Variants in ATF6 observed in about 807,000 individuals in gnomAD.
ATF6 encodes the protein activating transcription factor 6.
ATF6 carries 53 observed loss-of-function variants against 83.6 expected under a neutral mutation model. That is an observed-to-expected ratio of 0.63 (90% CI 0.51 to 0.80). ATF6 has a LOEUF of 0.80. Among genes scored for constraint, ATF6 ranks in the 30% least tolerant of loss-of-function variants. The pLI, the probability that ATF6 is intolerant of heterozygous loss-of-function variation, is 0.00. For synonymous variants in ATF6, 288 were observed against 285.8 expected, an observed-to-expected ratio of 1.01 and a Z score of -0.08; for missense variants, 744 against 797.9, an observed-to-expected ratio of 0.93 and a Z score of 0.81.
intron 7 of ATF6, among the ~76,000 whole-genome samples, chr1:161,810,066 A>G (rs991947766): frequency 5.3e-5 from 8 of 152,130 alleles, no homozygotes; most frequent in African/African-American, 1.7e-4. Context: ...AGGTAGTTCT[A>G]ATTGAGAAGT....
intron 15 of ATF6, among the ~76,000 whole-genome samples, chr1:161,921,034 C>T (rs762891293): frequency 2.6e-4 from 39 of 151,996 alleles, no homozygotes; most frequent in Admixed American, 4.6e-4. Flanking sequence ...CCTGGCCATC[C>T]GTTGTTTTTT....
chr1:161,843,596 G>A (rs941086149), intron 9 of ATF6, among the ~76,000 whole-genome samples: 5 of 152,074 alleles, frequency 3.3e-5, no homozygotes, highest in Non-Finnish European at 7.4e-5. Context: ...CTTCCTTTGA[G>A]CCTTCATTTC....
intron 3 of ATF6, among the ~76,000 whole-genome samples, chr1:161,783,441 C>G (rs562036164): frequency 6.6e-6 from 1 of 152,166 alleles, no homozygotes; most frequent in African/African-American, 2.4e-5. Context: ...CATAGTTGCT[C>G]AGTACATTTT....
At chr1:161,852,054 C>A (rs1183974291) in intron 11 of ATF6, among the ~76,000 whole-genome samples, 3 of 152,172 alleles carry the variant, frequency 2.0e-5, no homozygotes, top group Non-Finnish European at 2.9e-5. Flanking sequence ...AATATGTCTT[C>A]TTTAAAAACT....
chr1:161,859,361 A>G (rs902733427), intron 12 of ATF6, among the ~76,000 whole-genome samples: 23 of 152,276 alleles, frequency 1.5e-4, no homozygotes, highest in Admixed American at 1.1e-3. Context: ...TTGTTTTCCT[A>G]TATCTGTCTT....
chr1:161,830,838 A>G (rs1251734167), intron 9 of ATF6, among the ~76,000 whole-genome samples: 1 of 152,264 alleles, frequency 6.6e-6, no homozygotes, highest in Non-Finnish European at 1.5e-5. Context: ...CTAAAACCAT[A>G]AAAACCCTAC....
At chr1:161,813,341 T>C (rs879250997) in intron 7 of ATF6, among the ~76,000 whole-genome samples, 1 of 152,218 alleles carries the variant, frequency 6.6e-6, no homozygotes, top group Admixed American at 6.5e-5. Context: ...TATTTCATTA[T>C]ATAGTAGTCA....
At chr1:161,923,679 T>C in intron 15 of ATF6, among the ~76,000 whole-genome samples, 1 of 152,230 alleles carries the variant, frequency 6.6e-6, no homozygotes, top group South Asian at 2.1e-4. Flanking sequence ...TTGTATTTGA[T>C]TTACTAATTA....
chr1:161,784,110 C>G lies in ATF6; in HGVS notation c.354+14C>G. 1 of 1,575,746 alleles carries G rather than the reference C, an allele frequency of 6.3e-7. No homozygotes were observed. The highest frequency in any genetic ancestry group is 8.7e-7 in the Non-Finnish European group (1 of 1,147,854). Reference sequence around the variant, plus strand: ...CAGCATGTTCCTGTGAGTAGCCAGTCTTTTACAATGATTTTGGTTATAATA... The same window carrying G: ...CAGCATGTTCCTGTGAGTAGCCAGTGTTTTACAATGATTTTGGTTATAATA... On this transcript the variant is annotated intron_variant, in intron 4 of 15. Coordinates refer to ENST00000367942, the MANE Select transcript of ATF6 (RefSeq NM_007348.4).
intron 14 of ATF6, among the ~76,000 whole-genome samples, chr1:161,871,134 G>C (rs1294059528): frequency 6.6e-6 from 1 of 151,448 alleles, no homozygotes; most frequent in Admixed American, 6.6e-5. Context: ...TATTTTTTAT[G>C]TCCTACTCTT....
intron 6 of ATF6, among the ~76,000 whole-genome samples, chr1:161,796,829 G>A (rs560715693): frequency 2.0e-5 from 3 of 152,152 alleles, no homozygotes; most frequent in African/African-American, 7.2e-5. Context: ...GAGATGGTTT[G>A]ACTTCCTCTC....
rs1689130915 is a variant in ATF6, at chr1:161,962,963, G to A, written c.*4309G>A. The A allele has an allele frequency of 2.0e-5, 3 of 152,076 alleles. No individual in the cohort carries two copies. Among genetic ancestry groups the A allele is most frequent in the Non-Finnish European group, 4.4e-5 (3 of 68,002 alleles). The allele number at this position is 152,076 out of a possible 1,614,324, so 9.4% of individuals were successfully genotyped here. The stretch of plus-strand genomic sequence containing the variant: ...TACCAATTATAACTTTTAGAAACAA[G>A]AATAAAGCCTAAAAGAGAATGAAAT... On this transcript the variant is annotated 3_prime_UTR_variant, in exon 16 of 16. Transcript: ENST00000367942.
chr1:161,897,184 A>G (rs1687692955), intron 14 of ATF6, among the ~76,000 whole-genome samples: 1 of 152,168 alleles, frequency 6.6e-6, no homozygotes, highest in Admixed American at 6.5e-5. Flanking sequence ...CTGTAATCCT[A>G]GCACTTTGGG....
At chr1:161,937,282 T>C (rs530800632) in intron 15 of ATF6, among the ~76,000 whole-genome samples, 12 of 147,688 alleles carry the variant, frequency 8.1e-5, no homozygotes, top group Admixed American at 4.9e-4. Context: ...CAGCGGAGGT[T>C]GCAGTAAGCA....
At chr1:161,879,037 G>A (rs1261226856) in intron 14 of ATF6, among the ~76,000 whole-genome samples, 1 of 152,150 alleles carries the variant, frequency 6.6e-6, no homozygotes, top group Non-Finnish European at 1.5e-5. Flanking sequence ...GAGTCCTTGA[G>A]AAGGGGCAAA....
chr1:161,769,864 A>G (rs1416385277), intron 1 of ATF6, among the ~76,000 whole-genome samples: 6 of 152,252 alleles, frequency 3.9e-5, no homozygotes, highest in African/African-American at 1.4e-4. Flanking sequence ...CGGTAATGCA[A>G]GTGATGGGGA....
chr1:161,867,310 T>G (rs1558003063), intron 14 of ATF6, among the ~76,000 whole-genome samples: 1 of 151,896 alleles, frequency 6.6e-6, no homozygotes, highest in Non-Finnish European at 1.5e-5. Context: ...AAAAATGCTT[T>G]TGTATGATAG....
intron 11 of ATF6, 111 bp from the exon 12 acceptor site, chr1:161,853,113 A>G (rs1686672368): frequency 1.4e-6 from 1 of 726,032 alleles, no homozygotes; most frequent in African/African-American, 1.8e-5. Context: ...GGCACTTGGA[A>G]TGCTCTTTGG....
intron 14 of ATF6, among the ~76,000 whole-genome samples, chr1:161,884,741 T>C (rs1687385505): frequency 6.6e-6 from 1 of 152,148 alleles, no homozygotes; most frequent in African/African-American, 2.4e-5. Flanking sequence ...CACAGATACA[T>C]ATATAATAAA....
Sources: gnomAD v4.1 joint callset for allele counts (sites outside exome capture counted in the v4.1 genomes callset) on GRCh38, gnomAD v4.1.1 for gene constraint, MANE v1.5 for transcripts, NCBI Gene and HGNC (gene_info 2026-07-23, HGNC 2026-07-21) for gene names.